SLC26A7: variants seen among roughly 807,000 people sequenced by gnomAD.
SLC26A7 encodes the protein anion exchange transporter.
In SLC26A7, 59 loss-of-function variants were observed where a neutral mutation model predicts 82.5. The ratio of observed to expected loss-of-function variants is 0.72; its 90% CI spans 0.58 to 0.89. SLC26A7 has a LOEUF of 0.89. SLC26A7 is among the 40% of genes least tolerant of loss of function. The probability of loss-of-function intolerance (pLI) is 0.00; values close to 1 mark genes in which losing one functional copy is unlikely to be tolerated. For missense variants in SLC26A7, 820 were observed against 793.0 expected (o/e 1.03, Z -0.41); for synonymous variants, 271 against 274.3 (o/e 0.99, Z 0.12).
chr8:91,351,177 A>G (rs1262963579), intron 9 of SLC26A7, among the ~76,000 whole-genome samples: 1 of 152,094 alleles, frequency 6.6e-6, no homozygotes, highest in African/African-American at 2.4e-5. Context: ...GAACATGACT[A>G]TAGGAGTCAG....
intron 4 of SLC26A7, among the ~76,000 whole-genome samples, chr8:91,311,719 A>G (rs556801548): frequency 6.6e-6 from 1 of 152,162 alleles, no homozygotes; most frequent in Admixed American, 6.6e-5. Context: ...GCTTTTCTCC[A>G]GAGGATTCTG....
intron 9 of SLC26A7, chr8:91,344,119 A>G: frequency 1.0e-6 from 1 of 985,394 alleles, no homozygotes. Flanking sequence ...TGTGCCAGGC[A>G]TTGGCTGTCA....
At chr8:91,247,730 A>T (rs73697161), upstream of SLC26A7, among the ~76,000 whole-genome samples, 1,717 of 152,272 alleles carry the variant, frequency 0.011, 32 homozygotes, top group African/African-American at 0.038. Flanking sequence ...AATCCTGTTC[A>T]TGTGAATTTT....
chr8:91,394,653 A>T, intron 18 of SLC26A7: 1 of 1,125,008 alleles, frequency 8.9e-7, no homozygotes, highest in Non-Finnish European at 1.1e-6. Flanking sequence ...TATTGTATAC[A>T]ATCAGAACAG....
chr8:91,295,397 G>T, intron 3 of SLC26A7, 134 bp from the exon 4 acceptor site: 1 of 929,610 alleles, frequency 1.1e-6, no homozygotes, highest in Non-Finnish European at 1.6e-6. Context: ...GAGAAGCAAG[G>T]CCACAGAGGA....
At chr8:91,224,745 C>A (rs781572793) in intron 2 of SLC26A7, among the ~76,000 whole-genome samples, 1 of 152,156 alleles carries the variant, frequency 6.6e-6, no homozygotes, top group Non-Finnish European at 1.5e-5. Context: ...GGGGGGAAAC[C>A]CACTTCTCTA....
At chr8:91,299,987 G>C (rs1812119199) in intron 4 of SLC26A7, among the ~76,000 whole-genome samples, 1 of 152,180 alleles carries the variant, frequency 6.6e-6, no homozygotes, top group Non-Finnish European at 1.5e-5. Flanking sequence ...TGTGTGTGGG[G>C]AACATTAGAC....
chr8:91,344,557 A>G (rs892747265), intron 9 of SLC26A7, among the ~76,000 whole-genome samples: 1 of 152,200 alleles, frequency 6.6e-6, no homozygotes, highest in Non-Finnish European at 1.5e-5. Context: ...CCTTGTGGGA[A>G]AGTGATCAAC....
chr8:91,279,804 C>T (rs1388994226), intron 2 of SLC26A7, among the ~76,000 whole-genome samples: 3 of 152,184 alleles, frequency 2.0e-5, no homozygotes, highest in South Asian at 2.1e-4. Flanking sequence ...CGTGTGCACC[C>T]GCCTCGGCCT....
intron 2 of SLC26A7, among the ~76,000 whole-genome samples, chr8:91,267,339 G>T (rs1811142000): frequency 1.3e-5 from 2 of 151,800 alleles, no homozygotes; most frequent in South Asian, 4.1e-4. Flanking sequence ...ATTGACATTA[G>T]TTTTTCTTTA....
intron 2 of SLC26A7, among the ~76,000 whole-genome samples, chr8:91,276,761 G>A (rs1360407823): frequency 6.6e-6 from 1 of 152,140 alleles, no homozygotes; most frequent in South Asian, 2.1e-4. Flanking sequence ...GCCATAAACT[G>A]CTGATTTTTT....
chr8:91,300,356 C>T (rs537557957), intron 4 of SLC26A7, among the ~76,000 whole-genome samples: 1 of 150,530 alleles, frequency 6.6e-6, no homozygotes, highest in Non-Finnish European at 1.5e-5. Context: ...TTACTGAATT[C>T]TTTTAGTATT....
At chr8:91,286,165 A>C (rs1291064313) in intron 2 of SLC26A7, among the ~76,000 whole-genome samples, 1 of 152,154 alleles carries the variant, frequency 6.6e-6, no homozygotes, top group African/African-American at 2.4e-5. Flanking sequence ...GGGGTCAGGC[A>C]CTGTGCCTAG....
At chr8:91,329,821 C>T (rs1266134756) in intron 5 of SLC26A7, among the ~76,000 whole-genome samples, 5 of 152,056 alleles carry the variant, frequency 3.3e-5, no homozygotes, top group African/African-American at 1.2e-4. Context: ...TATTTTACAT[C>T]GTCTCTATCC....
intron 14 of SLC26A7, among the ~76,000 whole-genome samples, chr8:91,367,604 G>C (rs1027398535): frequency 2.6e-5 from 4 of 152,174 alleles, no homozygotes; most frequent in Non-Finnish European, 4.4e-5. Flanking sequence ...CTTACTAGCT[G>C]TGGAACTTTG....
At chr8:91,214,336 G>T (rs907926722) in intron 1 of SLC26A7, among the ~76,000 whole-genome samples, 16 of 152,164 alleles carry the variant, frequency 1.1e-4, no homozygotes, top group Non-Finnish European at 1.8e-4. Flanking sequence ...TAATTCAAGT[G>T]AATACGTTTA....
chr8:91,344,284 G>T (rs1813500770), intron 9 of SLC26A7: 1 of 842,166 alleles, frequency 1.2e-6, no homozygotes, highest in African/African-American at 1.8e-5. Context: ...GGTCATAGAG[G>T]TAGTAAATGG....
chr8:91,242,484 C>T (rs1252695280), intron 2 of SLC26A7, among the ~76,000 whole-genome samples: 1 of 152,092 alleles, frequency 6.6e-6, no homozygotes, highest in Non-Finnish European at 1.5e-5. Context: ...CTTCAAAATT[C>T]ATATGTTAAA....
Position 91,395,085 on chromosome 8 carries a change from C to T in SLC26A7, c.1959C>T (p.His653=). ...AGAATTTGAGCAAACTCAGTGACCA[C>T]AGTGAAGTCTGAGACCCTTTTGTCA... ...SNKNLSKLSD[H]SEV The change falls in exon 19 of 19, where the codon CAC becomes CAT. Residue 653 remains histidine, a synonymous_variant. Coordinates refer to ENST00000276609, the MANE Select transcript of SLC26A7 (RefSeq NM_052832.4). 1 of 1,613,460 alleles carries T rather than the reference C, an allele frequency of 6.2e-7. No individual in the cohort carries two copies. The highest frequency in any genetic ancestry group is 1.3e-5 in the African/African-American group (1 of 75,020).
Sources: allele counts gnomAD v4.1 joint callset (sites outside exome capture counted in the v4.1 genomes callset), GRCh38; gene constraint gnomAD v4.1.1; transcripts MANE v1.5; gene names NCBI Gene and HGNC (gene_info 2026-07-23, HGNC 2026-07-21).